MAN1B1: variants seen among roughly 807,000 people sequenced by gnomAD.
MAN1B1 encodes the protein endoplasmic reticulum mannosyl-oligosaccharide 1,2-alpha-mannosidase.
Under a neutral mutation model 75.5 loss-of-function variants are expected in MAN1B1, and 66 were observed. The observed-to-expected ratio is 0.87, with a 90% CI of 0.72 to 1.07. The LOEUF (loss-of-function observed/expected upper bound fraction) is 1.07. MAN1B1 is among the 50% of genes least tolerant of loss of function. The probability of loss-of-function intolerance (pLI) is 0.00; values close to 1 mark genes in which losing one functional copy is unlikely to be tolerated. For synonymous variants in MAN1B1, 453 were observed against 382.8 expected, an observed-to-expected ratio of 1.18 and a Z score of -2.14; for missense variants, 973 against 912.5, an observed-to-expected ratio of 1.07 and a Z score of -0.85.
chr9:137,094,797 T>C (rs1418743604), intron 3 of MAN1B1, among the ~76,000 whole-genome samples: 4 of 151,748 alleles, frequency 2.6e-5, no homozygotes, highest in African/African-American at 9.7e-5. Context: ...GGAGAATCAC[T>C]TGAACCCAGG....
rs1830601070 is a variant in MAN1B1, at chr9:137,094,500, G to C, written c.466-1737G>C. On this transcript the variant is annotated intron_variant, in intron 3 of 12. Transcript: ENST00000371589. ...CACATCTGTCATCCCAGCACTTTGA[G>C]AGGCCGAGGCAGGCAGATTGCTTGA... The C allele has an allele frequency of 1.3e-5, 4 of 304,638 alleles. No homozygotes were observed. In the Admixed American group the frequency reaches 1.4e-4, roughly 10 times the overall value. The allele number at this position is 304,638 out of a possible 1,614,324, so 18.9% of individuals were successfully genotyped here.
At chr9:137,101,445 T>C in intron 7 of MAN1B1, 39 bp from the exon 8 acceptor site, 2 of 1,584,088 alleles carry the variant, frequency 1.3e-6, no homozygotes, top group East Asian at 4.5e-5. Flanking sequence ...GGCCTCTGGG[T>C]GACCTGAACG....
At chr9:137,099,666 C>T (rs997937964) in intron 5 of MAN1B1, 30 bp from the exon 6 acceptor site, 10 of 1,613,078 alleles carry the variant, frequency 6.2e-6, no homozygotes, top group African/African-American at 2.7e-5. Context: ...ACCACGTCCG[C>T]CATGGCCTGT....
chr9:137,102,836 A>G (rs1301621693), intron 8 of MAN1B1: 2 of 439,232 alleles, frequency 4.6e-6, no homozygotes, highest in East Asian at 7.3e-5. Context: ...TGTTACACAC[A>G]TTCACACTGT....
chr9:137,106,571 T>A (rs1381160543), intron 9 of MAN1B1, 118 bp from the exon 10 acceptor site: 6 of 1,530,956 alleles, frequency 3.9e-6, no homozygotes, highest in South Asian at 1.1e-5. Flanking sequence ...TGGCACCTTC[T>A]GTCCGGCAAG....
At chr9:137,094,471 GGCTCACATCTGTCA>G (rs1830600389) in intron 3 of MAN1B1, 1 of 403,362 alleles carries the variant, frequency 2.5e-6, no homozygotes. Flanking sequence ...TGGAACTAGT[GGCTCACATCTGTCA>G]TCCCAGCACT....
intron 4 of MAN1B1, 140 bp downstream of exon 4, chr9:137,096,531 CT>C: frequency 3.3e-6 from 4 of 1,219,134 alleles, no homozygotes; most frequent in Non-Finnish European, 4.7e-6. Flanking sequence ...CCTCATTAAC[CT>C]TAGATTACAG....
At position 137,108,982 on chromosome 9, in the gene MAN1B1, C is replaced by T. The variant is rs1193038822; in HGVS notation, c.*391C>T. The T allele has an allele frequency of 8.6e-6, 4 of 463,716 alleles. No homozygotes were observed. The highest frequency in any genetic ancestry group is 3.1e-5 in the South Asian group (2 of 64,610). The allele number at this position is 463,716 out of a possible 1,614,324, so 28.7% of individuals were successfully genotyped here. Reference sequence around the variant, plus strand: ...GGGCTCGTGAAGCCTCAGATGTCCCCAATCCAAGGGTCTGGAGGGGCTGCC... The same window carrying T: ...GGGCTCGTGAAGCCTCAGATGTCCCTAATCCAAGGGTCTGGAGGGGCTGCC... On this transcript the variant is annotated 3_prime_UTR_variant, in exon 13 of 13. Transcript: ENST00000371589.
At chr9:137,088,623 G>A in intron 2 of MAN1B1, 2 of 678,786 alleles carry the variant, frequency 2.9e-6, no homozygotes, top group Non-Finnish European at 4.9e-6. Context: ...CATGCTGAAC[G>A]TCCCTGAATG....
In MAN1B1 at chr9:137,101,103, C is replaced by T; in HGVS notation, c.1015C>T (p.Leu339Phe). The T allele has an allele frequency of 6.2e-7, 1 of 1,614,124 alleles. No individual in the cohort carries two copies. Among genetic ancestry groups the T allele is most frequent in the East Asian group, 2.2e-5 (1 of 44,888 alleles). ...GAGCACGATCCGCATCCTGGGGGGG[C>T]TCCTGAGTGCCTACCACCTGTCTGG... ...FESTIRILGG[L>F]LSAYHLSGDS... The change falls in exon 7 of 13, where the codon CTC becomes TTC. Residue 339 changes from leucine (L) to phenylalanine (F), a missense_variant. Leu to Phe is a conservative substitution (Grantham distance 22, BLOSUM62 0). Coordinates refer to ENST00000371589, the MANE Select transcript of MAN1B1 (RefSeq NM_016219.5).
At chr9:137,087,249 G>A (rs773654138) in intron 1 of MAN1B1, 31 bp downstream of exon 1, 1 of 1,550,136 alleles carries the variant, frequency 6.5e-7, no homozygotes, top group Non-Finnish European at 8.7e-7. Context: ...ACTGGGGCCC[G>A]GGGCTGCCGT....
In MAN1B1 at chr9:137,100,989, C is replaced by T. The variant is rs756589806; in HGVS notation, c.917-16C>T. 1.9e-6 allele frequency: 3 copies of T among 1,613,908 alleles called. No individual in the cohort carries two copies. Among genetic ancestry groups the T allele is most frequent in the Non-Finnish European group, 2.5e-6 (3 of 1,179,934 alleles). On this transcript the variant is annotated splice_polypyrimidine_tract_variant and intron_variant, in intron 6 of 12. Coordinates refer to ENST00000371589, the MANE Select transcript of MAN1B1 (RefSeq NM_016219.5). The stretch of plus-strand genomic sequence containing the variant: ...CATCCATTTGTCTCTGCATCCTTTA[C>T]TGTTTTATGTCATAGAATTTGAGGA...
At position 137,108,654 on chromosome 9, in the gene MAN1B1, T is replaced by G; in HGVS notation, c.*63T>G. 2.0e-6 allele frequency: 3 copies of G among 1,521,226 alleles called. No individual in the cohort carries two copies. The highest frequency in any genetic ancestry group is 2.7e-6 in the Non-Finnish European group (3 of 1,097,248). 94.2% of individuals were successfully genotyped at this position (1,521,226 alleles called of 1,614,324 possible). On this transcript the variant is annotated 3_prime_UTR_variant, in exon 13 of 13. Transcript: ENST00000371589. ...GAGGCACCTTGCTGGGTCTGTGGCA[T>G]TTTCCAAGGGCCCACGTAGCACCGG...
chr9:137,089,211 C>T (rs1830458931), intron 3 of MAN1B1: 2 of 660,428 alleles, frequency 3.0e-6, no homozygotes, highest in African/African-American at 3.6e-5. Flanking sequence ...ATGGCCAGTT[C>T]CGGTTTTACT....
At chr9:137,107,127 G>T in intron 10 of MAN1B1, 123 bp from the exon 11 acceptor site, 1 of 1,070,094 alleles carries the variant, frequency 9.3e-7, no homozygotes, top group Admixed American at 2.4e-5. Context: ...GTGCCCTCGC[G>T]TGGCCTCCCC....
intron 6 of MAN1B1, 121 bp downstream of exon 6, chr9:137,100,002 C>T (rs1830765236): frequency 1.7e-6 from 2 of 1,195,932 alleles, no homozygotes; most frequent in Non-Finnish European, 2.4e-6. Flanking sequence ...GTTTTCCCTT[C>T]TCCTGGGTGC....
rs755411161 is a variant in MAN1B1 at position 137,101,162 on chromosome 9, C to T, written c.1065+9C>T. Reference sequence around the variant, plus strand: ...TCTTCCTGAGGAAAGCTGTAAGTGTCTTGGGGTGTCCTGCAGGGAGATGGT... The same window carrying T: ...TCTTCCTGAGGAAAGCTGTAAGTGTTTTGGGGTGTCCTGCAGGGAGATGGT... On this transcript the variant is annotated intron_variant, in intron 7 of 12. Transcript: ENST00000371589. 5 of 1,613,550 alleles carry T rather than the reference C, an allele frequency of 3.1e-6. No homozygotes were observed. The highest frequency in any genetic ancestry group is 4.2e-6 in the Non-Finnish European group (5 of 1,180,008).
At position 137,096,364 on chromosome 9, in the gene MAN1B1, A is replaced by G. The variant is rs139708150; in HGVS notation, c.593A>G (p.Glu198Gly). 2.5e-6 allele frequency: 4 copies of G among 1,613,812 alleles called. No homozygotes were observed. The highest frequency in any genetic ancestry group is 3.4e-6 in the Non-Finnish European group (4 of 1,179,980). Residue 198 changes from glutamate (E) to glycine (G), a missense_variant, in exon 4 of 13, where the codon GAA becomes GGA. Transcript: ENST00000371589. ...GAAGCCCCTGTGGATCCCCGCCCGG[A>G]AGGAGATCCGCAGAGGACAGTCATC... ...RQEAPVDPRP[E>G]GDPQRTVISW...
chr9:137,104,031 C>T lies in MAN1B1; in HGVS notation c.1255-2094C>T, dbSNP rs112851605. 7.9e-3 allele frequency: 3,601 copies of T among 457,136 alleles called. 103 individuals carry two copies. The highest frequency in any genetic ancestry group is 0.064 in the African/African-American group (3,207 of 50,180). The allele number at this position is 457,136 out of a possible 1,614,324, so 28.3% of individuals were successfully genotyped here. A position where few individuals can be genotyped will look rare whatever the true frequency, so the allele number is the denominator to read the frequency against. On this transcript the variant is annotated intron_variant, in intron 8 of 12. Transcript: ENST00000371589. Reference sequence around the variant, plus strand: ...TTCACGCTGTTGCAGGAGTACAGGTCAGTGGTGTTACACACATTCATGCTG... The same window carrying T: ...TTCACGCTGTTGCAGGAGTACAGGTTAGTGGTGTTACACACATTCATGCTG...
Sources: allele counts gnomAD v4.1 joint callset (sites outside exome capture counted in the v4.1 genomes callset), GRCh38; gene constraint gnomAD v4.1.1; transcripts MANE v1.5; gene names NCBI Gene and HGNC (gene_info 2026-07-23, HGNC 2026-07-21).